Variants in SMC1B observed in about 807,000 individuals in gnomAD.
SMC1B encodes the protein structural maintenance of chromosomes 1B.
SMC1B carries 60 observed loss-of-function variants against 157.9 expected under a neutral mutation model. The observed-to-expected ratio is 0.38, with a 90% confidence interval of 0.31 to 0.47. The LOEUF (loss-of-function observed/expected upper bound fraction) is 0.47, where lower values mean the gene tolerates loss of function less well. Ranked by LOEUF, SMC1B falls within the 20% of genes least tolerant of loss-of-function variation. The probability of loss-of-function intolerance (pLI) is 0.99; values close to 1 mark genes in which losing one functional copy is unlikely to be tolerated. For synonymous variants in SMC1B, 445 were observed against 483.0 expected, an observed-to-expected ratio of 0.92 and a Z score of 1.03; for missense variants, 1,165 against 1,426.2, an observed-to-expected ratio of 0.82 and a Z score of 2.95.
rs116947147 is a variant in SMC1B at position 45,412,876 on chromosome 22, G to T, written c.109+583C>A. Among the ~76,000 whole-genome samples, 631 of 152,284 alleles carry T rather than the reference G, an allele frequency of 4.1e-3. 27 individuals carry two copies. The East Asian group carries it at 0.096, about 23-fold the overall frequency. On this transcript the variant is annotated intron_variant, in intron 1 of 24. Transcript: ENST00000357450. ...TCCCTTGGATCCAAATGGTGGTTCT[G>T]GCTGCTTGGAACCCATTACCTCCTC...
At chr22:45,347,220 G>A (rs2086561431) in intron 23 of SMC1B, among the ~76,000 whole-genome samples, 1 of 152,082 alleles carries the variant, frequency 6.6e-6, no homozygotes, top group Non-Finnish European at 1.5e-5. Context: ...CAGCTACCAT[G>A]TCCTGTTTCC....
intron 22 of SMC1B, among the ~76,000 whole-genome samples, 176 bp from the exon 23 acceptor site, chr22:45,349,973 T>A (rs142108566): frequency 1.3e-5 from 2 of 152,242 alleles, no homozygotes; most frequent in African/African-American, 4.8e-5. Context: ...CACATGTATG[T>A]GACCTATGCA....
intron 9 of SMC1B, among the ~76,000 whole-genome samples, chr22:45,391,822 G>C (rs1410173921): frequency 1.3e-5 from 2 of 152,114 alleles, no homozygotes; most frequent in Non-Finnish European, 2.9e-5. Context: ...TACTTTGAGG[G>C]AGGAGGACAA....
At chr22:45,389,438 G>A (rs969353429) in intron 10 of SMC1B, among the ~76,000 whole-genome samples, 2 of 152,192 alleles carry the variant, frequency 1.3e-5, no homozygotes, top group African/African-American at 4.8e-5. Flanking sequence ...CTGGCTAATA[G>A]GTAGAGTGGT....
At position 45,362,866 on chromosome 22, in the gene SMC1B, G is replaced by C; in HGVS notation, c.2562+19C>G. ...ATAATTTCAATGAAGAGGCACTTCA[G>C]CTACCCATTATTAATTACCTTCTTT... On this transcript the variant is annotated intron_variant, in intron 16 of 24. Transcript: ENST00000357450. 6.3e-7 allele frequency: 1 copy of C among 1,580,892 alleles called. No individual in the cohort carries two copies. The highest frequency in any genetic ancestry group is 2.3e-5 in the East Asian group (1 of 44,124).
chr22:45,393,121 C>T (rs551636619), intron 9 of SMC1B, among the ~76,000 whole-genome samples: 206 of 152,112 alleles, frequency 1.4e-3, no homozygotes, highest in African/African-American at 4.2e-3. Context: ...GATGCCACCC[C>T]GATACAAAAG....
intron 21 of SMC1B, 139 bp from the exon 22 acceptor site, chr22:45,352,741 T>C (rs1387849864): frequency 1.2e-6 from 1 of 833,920 alleles, no homozygotes; most frequent in East Asian, 2.7e-5. Flanking sequence ...AAATAATGTA[T>C]TTAGTTCTAC....
intron 1 of SMC1B, among the ~76,000 whole-genome samples, chr22:45,412,498 CTTTTT>C (rs56894434): frequency 3.1e-5 from 2 of 65,412 alleles, no homozygotes; most frequent in African/African-American, 1.4e-4. Flanking sequence ...CGCGCCCAGC[CTTTTT>C]TTTTTTTTTT....
chr22:45,353,919 AAC>A lies in SMC1B; in HGVS notation c.3273+57_3273+58del, dbSNP rs373527740. ...AAAAAAAAAAAAAAAAAAAAAAAAA[AAC>A]AACCACCACCGGTAACACAGAATTC... On this transcript the variant is annotated intron_variant, in intron 21 of 24. Coordinates refer to ENST00000357450, the MANE Select transcript of SMC1B (RefSeq NM_148674.5). The A allele has an allele frequency of 6.6e-4, 567 of 858,400 alleles. 27 individuals carry two copies. The highest frequency in any genetic ancestry group is 1.4e-3 in the East Asian group (38 of 27,350). The allele number at this position is 858,400 out of a possible 1,614,324, so 53.2% of individuals were successfully genotyped here.
intron 1 of SMC1B, among the ~76,000 whole-genome samples, chr22:45,412,621 C>T (rs1424920384): frequency 2.0e-5 from 3 of 151,562 alleles, no homozygotes; most frequent in East Asian, 3.9e-4. Flanking sequence ...ATTCTCCCGC[C>T]TCAGCCTCCA....
In SMC1B at chr22:45,358,813, A is replaced by G. The variant is rs371953430; in HGVS notation, c.2863-18T>C. 7.0e-6 allele frequency: 11 copies of G among 1,566,062 alleles called. No individual in the cohort carries two copies. In the African/African-American group the frequency reaches 1.5e-4, roughly 21 times the overall value. On this transcript the variant is annotated intron_variant, in intron 18 of 24. Coordinates refer to ENST00000357450, the MANE Select transcript of SMC1B (RefSeq NM_148674.5). ...GTTCCCATCTGAAAAATATGTGAACACATACATTTGTTGATTAAGTTTGTT... is the reference window on the plus strand; with the variant it reads ...GTTCCCATCTGAAAAATATGTGAACGCATACATTTGTTGATTAAGTTTGTT...
chr22:45,347,204 C>G (rs35048184), intron 23 of SMC1B, among the ~76,000 whole-genome samples: 78,195 of 152,008 alleles, frequency 0.51, 23,451 homozygotes, highest in Non-Finnish European at 0.66. Context: ...TTTCCTGTTT[C>G]CTTCCCAGCT....
intron 13 of SMC1B, 107 bp downstream of exon 13, chr22:45,372,047 GA>G (rs879487903): frequency 0.072 from 51,279 of 710,302 alleles, no homozygotes; most frequent in Middle Eastern, 0.099. Context: ...TCTGTCTCAG[GA>G]AAAAAAAAAA....
chr22:45,398,817 G>A (rs1000044848), intron 6 of SMC1B, among the ~76,000 whole-genome samples: 3 of 152,094 alleles, frequency 2.0e-5, no homozygotes, highest in African/African-American at 4.8e-5. Flanking sequence ...CAATAAGAGC[G>A]AAACTCCATC....
intron 9 of SMC1B, among the ~76,000 whole-genome samples, chr22:45,392,174 C>T (rs1463620544): frequency 1.3e-5 from 2 of 152,118 alleles, no homozygotes; most frequent in Non-Finnish European, 2.9e-5. Flanking sequence ...GTCTCAAACT[C>T]CTGACCTCAA....
rs542960082 is a variant in SMC1B at position 45,400,460 on chromosome 22, G to T, written c.855-1107C>A. On this transcript the variant is annotated intron_variant, in intron 5 of 24. Transcript: ENST00000357450. Reference sequence around the variant, plus strand: ...CAACAAAATCAACAATGTAATACTGGATTATAACTCTAAATGTAAAATATC... The same window carrying T: ...CAACAAAATCAACAATGTAATACTGTATTATAACTCTAAATGTAAAATATC... Among the ~76,000 whole-genome samples the T allele has an allele frequency of 3.9e-5, 6 of 152,250 alleles. No homozygotes were observed. The East Asian group carries it at 9.6e-4, about 24-fold the overall frequency.
Position 45,344,357 on chromosome 22 carries a change from C to A in SMC1B, c.*199G>T, listed in dbSNP as rs1490645327. 3 of 396,718 alleles carry A rather than the reference C, an allele frequency of 7.6e-6. No individual in the cohort carries two copies. The highest frequency in any genetic ancestry group is 1.4e-5 in the Non-Finnish European group (3 of 221,890). 24.6% of individuals were successfully genotyped at this position (396,718 alleles called of 1,614,324 possible). A position where few individuals can be genotyped will look rare whatever the true frequency, so the allele number is the denominator to read the frequency against. On this transcript the variant is annotated 3_prime_UTR_variant, in exon 25 of 25. Coordinates refer to ENST00000357450, the MANE Select transcript of SMC1B (RefSeq NM_148674.5). ...AAAACTCATTTGACACCAGCTCTCA[C>A]TGAAAACTTTCCCTACTAGAATGAG... is the stretch of plus-strand genomic sequence containing the variant.
rs2086534227 is a variant in SMC1B at position 45,344,778 on chromosome 22, A to C, written c.3607-121T>G. The C allele has an allele frequency of 8.4e-6, 5 of 597,284 alleles. No individual in the cohort carries two copies. The Admixed American group carries it at 1.5e-4, about 18-fold the overall frequency. The allele number at this position is 597,284 out of a possible 1,614,324, so 37.0% of individuals were successfully genotyped here. A position where few individuals can be genotyped will look rare whatever the true frequency, so the allele number is the denominator to read the frequency against. On this transcript the variant is annotated intron_variant, in intron 24 of 24. Transcript: ENST00000357450. ...GGAATCTTCTTCAACCTAGTAAGAT[A>C]TCTGCATTTATATTGGTTGTGGGTT...
chr22:45,358,622 A>G (rs2086691582), intron 19 of SMC1B, 75 bp downstream of exon 19: 2 of 920,778 alleles, frequency 2.2e-6, no homozygotes, highest in Non-Finnish European at 3.3e-6. Flanking sequence ...TAATTCTATC[A>G]TCCAAAAATG....
Sources: allele counts gnomAD v4.1 joint callset (sites outside exome capture counted in the v4.1 genomes callset), GRCh38; gene constraint gnomAD v4.1.1; transcripts MANE v1.5; gene names NCBI Gene and HGNC (gene_info 2026-07-23, HGNC 2026-07-21).